FAM167A: variants seen among roughly 807,000 people sequenced by gnomAD.
FAM167A encodes family with sequence similarity 167 member A.
In FAM167A, 23 loss-of-function variants were observed where a neutral mutation model predicts 14.9. The ratio of observed to expected loss-of-function variants is 1.55; its 90% CI spans 1.11 to 2.19. FAM167A has a LOEUF of 2.19. Ranked by LOEUF, FAM167A falls within the 30% of genes most tolerant of loss-of-function variation. The pLI, the probability that FAM167A is intolerant of heterozygous loss-of-function variation, is 0.00. For missense variants in FAM167A, 401 were observed against 281.5 expected (o/e 1.42, Z -3.04); for synonymous variants, 174 against 117.7 (o/e 1.48, Z -3.10).
At chr8:11,439,188 G>C (rs1390391967) in intron 2 of FAM167A, among the ~76,000 whole-genome samples, 11 of 152,254 alleles carry the variant, frequency 7.2e-5, no homozygotes, top group Admixed American at 7.2e-4. Flanking sequence ...ACCTTTCTGA[G>C]CCTCAGTCTT....
rs1804848499 is a variant in FAM167A, at chr8:11,422,787, G to C, written c.*1586C>G. On this transcript the variant is annotated 3_prime_UTR_variant, in exon 3 of 3. Transcript: ENST00000284486. ...GATTACACAGGAAGAAGTCACAGTA[G>C]ACAGAGCAGCCAGATGCCGTGCGTA... The C allele has an allele frequency of 6.6e-6, 1 of 152,428 alleles. No homozygotes were observed. The highest frequency in any genetic ancestry group is 2.4e-5 in the African/African-American group (1 of 41,454). 9.4% of individuals were successfully genotyped at this position (152,428 alleles called of 1,614,324 possible).
At position 11,442,748 on chromosome 8, in the gene FAM167A, C is replaced by T. The variant is rs367891555; in HGVS notation, c.381+1283G>A. 3.8e-4 allele frequency among the ~76,000 whole-genome samples: 58 copies of T among 152,088 alleles called. No individual in the cohort carries two copies. The East Asian group carries it at 9.3e-3, about 24-fold the overall frequency. ...AGCACCCCAGAGATATGGCTCAAACCCGCAGGTGCCTCATCTTCTCCGAAG... is the reference window on the plus strand; with the variant it reads ...AGCACCCCAGAGATATGGCTCAAACTCGCAGGTGCCTCATCTTCTCCGAAG... On this transcript the variant is annotated intron_variant, in intron 2 of 2. Transcript: ENST00000284486.
Position 11,424,061 on chromosome 8 carries a change from G to A in FAM167A, c.*312C>T, listed in dbSNP as rs934852357. ...CAGTTCATAGCACCAGTGATTCCAG[G>A]AAACAGGAACGTGACCGTGGAGGGA... On this transcript the variant is annotated 3_prime_UTR_variant, in exon 3 of 3. Coordinates refer to ENST00000284486, the MANE Select transcript of FAM167A (RefSeq NM_053279.3). The A allele has an allele frequency of 2.4e-5, 7 of 297,122 alleles. No individual in the cohort carries two copies. The highest frequency in any genetic ancestry group is 1.3e-4 in the African/African-American group (6 of 47,678). 18.4% of individuals were successfully genotyped at this position (297,122 alleles called of 1,614,324 possible). A position where few individuals can be genotyped will look rare whatever the true frequency, so the allele number is the denominator to read the frequency against.
At chr8:11,442,070 G>T (rs1167652162) in intron 2 of FAM167A, among the ~76,000 whole-genome samples, 1 of 152,206 alleles carries the variant, frequency 6.6e-6, no homozygotes, top group Non-Finnish European at 1.5e-5. Flanking sequence ...ATGTACGACA[G>T]CCTTTGGTAG....
chr8:11,434,924 G>A (rs545706076), intron 2 of FAM167A: 5 of 413,118 alleles, frequency 1.2e-5, no homozygotes, highest in African/African-American at 1.0e-4. Context: ...ACTGCTGCTG[G>A]CTGGGTGAGG....
intron 2 of FAM167A, among the ~76,000 whole-genome samples, chr8:11,431,423 A>G (rs1457401172): frequency 6.6e-6 from 1 of 152,218 alleles, no homozygotes; most frequent in Admixed American, 6.5e-5. Flanking sequence ...GTGAGCACAG[A>G]GTTTCCATTT....
intron 2 of FAM167A, among the ~76,000 whole-genome samples, chr8:11,435,774 A>C (rs1805962700): frequency 6.6e-6 from 1 of 152,226 alleles, no homozygotes; most frequent in Non-Finnish European, 1.5e-5. Flanking sequence ...CATGAGCATA[A>C]TAGTACCCAC....
At position 11,444,607 on chromosome 8, in the gene FAM167A, C is replaced by G; in HGVS notation, c.-196G>C. ...ACCGCGCAGTGAGCCGCACAGGGCG[C>G]CCTCCTGGAGGCTCGGGTCTATGAT... is the stretch of plus-strand genomic sequence containing the variant. On this transcript the variant is annotated 5_prime_UTR_variant, in exon 2 of 3. Transcript: ENST00000284486. 1 of 1,389,036 alleles carries G rather than the reference C, an allele frequency of 7.2e-7. No individual in the cohort carries two copies. Among genetic ancestry groups the G allele is most frequent in the Non-Finnish European group, 9.3e-7 (1 of 1,078,284 alleles). The allele number at this position is 1,389,036 out of a possible 1,614,324, so 86.0% of individuals were successfully genotyped here.
intron 2 of FAM167A, among the ~76,000 whole-genome samples, chr8:11,443,044 C>T (rs1411817196): frequency 3.9e-5 from 6 of 152,346 alleles, no homozygotes; most frequent in Non-Finnish European, 7.3e-5. Flanking sequence ...GAGCCACTGC[C>T]GGCTCTGGAA....
chr8:11,463,619 G>A (rs1205028597), intron 1 of FAM167A, among the ~76,000 whole-genome samples: 2 of 152,160 alleles, frequency 1.3e-5, no homozygotes, highest in African/African-American at 2.4e-5. Flanking sequence ...TCTGACCTGG[G>A]CCTGTCCCTC....
intron 1 of FAM167A, among the ~76,000 whole-genome samples, chr8:11,456,160 G>C (rs1311376909): frequency 1.6e-4 from 4 of 24,800 alleles, no homozygotes; most frequent in Non-Finnish European, 3.5e-4. Context: ...AATGTGGGGG[G>C]TGGTTGCCTT....
intron 1 of FAM167A, among the ~76,000 whole-genome samples, chr8:11,457,943 C>T (rs1042608921): frequency 8.5e-5 from 13 of 152,178 alleles, no homozygotes; most frequent in Non-Finnish European, 1.3e-4. Context: ...AGGGGCAGGA[C>T]ACTGCTGCAC....
At chr8:11,425,346 C>G (rs1233297286) in intron 2 of FAM167A, among the ~76,000 whole-genome samples, 2 of 152,270 alleles carry the variant, frequency 1.3e-5, no homozygotes, top group African/African-American at 4.8e-5. Context: ...TGTGTCGGCT[C>G]ACAAAGCTCA....
chr8:11,422,671 C>T lies in FAM167A; in HGVS notation c.*1702G>A, dbSNP rs535687318. 1 of 152,312 alleles carries T rather than the reference C, an allele frequency of 6.6e-6. No homozygotes were observed. The highest frequency in any genetic ancestry group is 1.5e-5 in the Non-Finnish European group (1 of 68,034). 9.4% of individuals were successfully genotyped at this position (152,312 alleles called of 1,614,324 possible). A position where few individuals can be genotyped will look rare whatever the true frequency, so the allele number is the denominator to read the frequency against. The stretch of plus-strand genomic sequence containing the variant: ...TCTTTTCTGTCTACTAGAGATCATT[C>T]ATTTGCATTGTCCTACTCTCAGCCC... On this transcript the variant is annotated 3_prime_UTR_variant, in exon 3 of 3. Transcript: ENST00000284486.
intron 2 of FAM167A, among the ~76,000 whole-genome samples, chr8:11,431,832 G>A (rs1225505292): frequency 6.8e-6 from 1 of 146,836 alleles, no homozygotes; most frequent in Non-Finnish European, 1.5e-5. Context: ...GGAGGTAGAA[G>A]GGCCTCTCTG....
intron 2 of FAM167A, among the ~76,000 whole-genome samples, chr8:11,427,197 G>T (rs573385549): frequency 1.5e-3 from 226 of 152,286 alleles, no homozygotes; most frequent in Middle Eastern, 6.8e-3. Flanking sequence ...TTCTGCTCAT[G>T]TTTAACCTTG....
intron 2 of FAM167A, among the ~76,000 whole-genome samples, chr8:11,436,298 A>G (rs978453441): frequency 4.6e-5 from 7 of 152,238 alleles, no homozygotes; most frequent in African/African-American, 1.7e-4. Flanking sequence ...ACTAGGGGCC[A>G]AGGCCTTCCT....
chr8:11,457,557 G>A (rs529650023), intron 1 of FAM167A, among the ~76,000 whole-genome samples: 1 of 152,218 alleles, frequency 6.6e-6, no homozygotes, highest in African/African-American at 2.4e-5. Context: ...CTCCTAGCAG[G>A]CAGGGGCTTC....
intron 2 of FAM167A, among the ~76,000 whole-genome samples, chr8:11,424,993 G>A (rs1172473372): frequency 6.6e-6 from 1 of 152,190 alleles, no homozygotes; most frequent in Non-Finnish European, 1.5e-5. Context: ...TCAAATTCAG[G>A]AGGATGGTTG....
Sources: gnomAD v4.1 joint callset for allele counts (sites outside exome capture counted in the v4.1 genomes callset) on GRCh38, gnomAD v4.1.1 for gene constraint, MANE v1.5 for transcripts, NCBI Gene and HGNC (gene_info 2026-07-23, HGNC 2026-07-21) for gene names.